Variants in KHDRBS2 observed in about 807,000 individuals in gnomAD.
KHDRBS2 encodes KH RNA binding domain containing, signal transduction associated 2, also known as KH domain-containing, RNA-binding, signal transduction-associated protein 2.
Under a neutral mutation model 44.3 loss-of-function variants are expected in KHDRBS2, and 26 were observed. The observed-to-expected ratio is 0.59, with a 90% CI of 0.43 to 0.81. The LOEUF (loss-of-function observed/expected upper bound fraction) is 0.81, where lower values mean the gene tolerates loss of function less well. KHDRBS2 is among the 40% of genes least tolerant of loss of function. The probability of loss-of-function intolerance (pLI) is 0.00; values close to 1 mark genes in which losing one functional copy is unlikely to be tolerated. For synonymous variants in KHDRBS2, 194 were observed against 151.1 expected (o/e 1.28, Z -2.08); for missense variants, 476 against 433.1 (o/e 1.10, Z -0.88).
chr6:62,037,471 A>T (rs1562696345), intron 3 of KHDRBS2, among the ~76,000 whole-genome samples: 2 of 152,070 alleles, frequency 1.3e-5, no homozygotes, highest in African/African-American at 4.8e-5. Flanking sequence ...TTTAGGCGAA[A>T]AAAAAAGAAA....
chr6:62,062,325 A>G (rs974234725), intron 2 of KHDRBS2, among the ~76,000 whole-genome samples: 3 of 142,750 alleles, frequency 2.1e-5, no homozygotes, highest in African/African-American at 7.8e-5. Context: ...CAGAATATAC[A>G]TTTTTTTCAG....
chr6:62,046,552 A>C (rs1292284575), intron 3 of KHDRBS2, among the ~76,000 whole-genome samples: 2 of 151,960 alleles, frequency 1.3e-5, no homozygotes, highest in African/African-American at 4.8e-5. Context: ...TTATAATATA[A>C]CAGTATGAAG....
At chr6:61,973,759 T>C (rs1771916257) in intron 4 of KHDRBS2, among the ~76,000 whole-genome samples, 1 of 152,202 alleles carries the variant, frequency 6.6e-6, no homozygotes, top group African/African-American at 2.4e-5. Flanking sequence ...GTGATAATCA[T>C]TAAAGACTTA....
chr6:62,037,879 C>T (rs1352446886), intron 3 of KHDRBS2, among the ~76,000 whole-genome samples: 1 of 151,906 alleles, frequency 6.6e-6, no homozygotes, highest in Non-Finnish European at 1.5e-5. Context: ...AAACAAGATG[C>T]TAAGTTTGCA....
intron 6 of KHDRBS2, among the ~76,000 whole-genome samples, chr6:61,764,730 T>G (rs1415708938): frequency 1.3e-5 from 2 of 149,496 alleles, no homozygotes; most frequent in Admixed American, 6.7e-5. Context: ...GAGTTGTTTG[T>G]TTTTTTTCTT....
At chr6:61,848,532 C>CATATATATATATATATATACAT (rs1554236783) in intron 6 of KHDRBS2, among the ~76,000 whole-genome samples, 1 of 28,220 alleles carries the variant, frequency 3.5e-5, no homozygotes, top group Non-Finnish European at 6.2e-5. Flanking sequence ...TATATATATA[C>CATATATATATATATATATACAT]ATATATATGT....
chr6:62,244,271 A>T (rs1331946719), intron 1 of KHDRBS2, among the ~76,000 whole-genome samples: 1 of 152,192 alleles, frequency 6.6e-6, no homozygotes, highest in Non-Finnish European at 1.5e-5. Flanking sequence ...TACTTAAAAA[A>T]GTATTTATAT....
At chr6:61,945,278 G>A (rs991201908) in intron 4 of KHDRBS2, among the ~76,000 whole-genome samples, 9 of 149,712 alleles carry the variant, frequency 6.0e-5, no homozygotes, top group Non-Finnish European at 1.0e-4. Flanking sequence ...TAAGTTTCAC[G>A]AAAATAAAAC....
At chr6:61,769,621 G>A (rs894868898) in intron 6 of KHDRBS2, among the ~76,000 whole-genome samples, 33 of 127,288 alleles carry the variant, frequency 2.6e-4, no homozygotes, top group African/African-American at 1.0e-3. Flanking sequence ...AGGCGGCAGC[G>A]AGGCTGGGGG....
intron 6 of KHDRBS2, among the ~76,000 whole-genome samples, chr6:61,867,629 GT>G (rs2127299857): frequency 6.6e-6 from 1 of 152,262 alleles, no homozygotes; most frequent in African/African-American, 2.4e-5. Flanking sequence ...TTTGGATGGG[GT>G]TTTTTGTTTG....
At chr6:61,868,428 G>A (rs1019188610) in intron 6 of KHDRBS2, among the ~76,000 whole-genome samples, 7 of 152,112 alleles carry the variant, frequency 4.6e-5, no homozygotes, top group African/African-American at 9.7e-5. Context: ...GGGAGATCCC[G>A]GCCAGTGAGG....
chr6:61,824,601 G>A (rs932578596), intron 6 of KHDRBS2, among the ~76,000 whole-genome samples: 1 of 152,152 alleles, frequency 6.6e-6, no homozygotes, highest in African/African-American at 2.4e-5. Flanking sequence ...ATTCTACTTT[G>A]CCCTAAAATT....
At chr6:62,161,577 G>GGA (rs1554445407) in intron 2 of KHDRBS2, among the ~76,000 whole-genome samples, 1 of 131,894 alleles carries the variant, frequency 7.6e-6, no homozygotes. Flanking sequence ...TATTTGCGGG[G>GGA]GGGGGGGGGG....
intron 2 of KHDRBS2, among the ~76,000 whole-genome samples, chr6:62,130,812 A>T (rs1810120247): frequency 6.6e-6 from 1 of 152,034 alleles, no homozygotes; most frequent in Non-Finnish European, 1.5e-5. Flanking sequence ...CTATTTTATA[A>T]TAGTGTCAAA....
the KHDRBS2 span, among the ~76,000 whole-genome samples, chr6:61,664,128 A>G: frequency 6.6e-6 from 1 of 151,764 alleles, no homozygotes; most frequent in African/African-American, 2.4e-5. Context: ...GTAACACCAC[A>G]CTTACTGATC....
Position 61,949,739 on chromosome 6 carries a change from A to G in KHDRBS2, c.483+28327T>C, listed in dbSNP as rs1396102573. Among the ~76,000 whole-genome samples, 3 of 152,036 alleles carry G rather than the reference A, an allele frequency of 2.0e-5. No homozygotes were observed. The East Asian group carries it at 5.8e-4, about 29-fold the overall frequency. On this transcript the variant is annotated intron_variant, in intron 4 of 8. Transcript: ENST00000281156. ...GTATTTGTATAAAAGTATCTGGACA[A>G]AATTTTAAAAGAATAATGCATATCA...
At chr6:61,662,913 G>C in the KHDRBS2 span, among the ~76,000 whole-genome samples, 2 of 151,836 alleles carry the variant, frequency 1.3e-5, no homozygotes, top group Non-Finnish European at 2.9e-5. Context: ...TATACCCAAA[G>C]GATTATAAAT....
intron 1 of KHDRBS2, among the ~76,000 whole-genome samples, chr6:62,207,243 A>G (rs1466873368): frequency 6.6e-6 from 1 of 152,138 alleles, no homozygotes; most frequent in Non-Finnish European, 1.5e-5. Context: ...AGCATTATAT[A>G]AAAATTAGAA....
chr6:61,982,329 A>G (rs993633410), intron 3 of KHDRBS2, among the ~76,000 whole-genome samples: 17 of 152,140 alleles, frequency 1.1e-4, no homozygotes, highest in African/African-American at 3.9e-4. Flanking sequence ...GGAAATGACT[A>G]TAACAGGTAC....
Sources: allele counts gnomAD v4.1 joint callset (sites outside exome capture counted in the v4.1 genomes callset), GRCh38; gene constraint gnomAD v4.1.1; transcripts MANE v1.5; gene names NCBI Gene and HGNC (gene_info 2026-07-23, HGNC 2026-07-21).